The following ASTN1 variants were observed in gnomAD, a reference collection of about 807,000 sequenced individuals.
ASTN1 encodes astrotactin-1.
In ASTN1, 41 loss-of-function variants were observed where a neutral mutation model predicts 140.7. The observed-to-expected ratio is 0.29, with a 90% CI of 0.23 to 0.38. ASTN1 has a LOEUF of 0.38. Among genes scored for constraint, ASTN1 ranks in the 10% least tolerant of loss-of-function variants. The pLI, the probability that ASTN1 is intolerant of heterozygous loss-of-function variation, is 1.00. For missense variants in ASTN1, 1,479 were observed against 1,678.8 expected (o/e 0.88, Z 2.08); for synonymous variants, 640 against 652.2 (o/e 0.98, Z 0.29).
intron 16 of ASTN1, 142 bp from the exon 17 acceptor site, chr1:176,894,972 C>A (rs1669444693): frequency 2.4e-6 from 3 of 1,228,518 alleles, no homozygotes; most frequent in East Asian, 4.9e-5. Flanking sequence ...TCTGCCATCC[C>A]ACTTAATTTG....
Position 176,884,333 on chromosome 1 carries a change from GCTCACCTGT to G in ASTN1, c.3223_3226+5del. 6.2e-7 allele frequency: 1 copy of G among 1,612,748 alleles called. No individual in the cohort carries two copies. The highest frequency in any genetic ancestry group is 8.5e-7 in the Non-Finnish European group (1 of 1,178,776). ...AAGACAAGCCCATGAAGTAGAAGGT[GCTCACCTGT>G]CTCCACTTTGGAGTGGTCCATCCTG... is the stretch of plus-strand genomic sequence containing the variant. On this transcript the variant is annotated splice_donor_variant and splice_donor_5th_base_variant and coding_sequence_variant and intron_variant, in exon 19 of 23. Transcript: ENST00000361833. LOFTEE classifies it high-confidence loss of function.
At chr1:176,983,754 C>T (rs2142756) in intron 8 of ASTN1, among the ~76,000 whole-genome samples, 24,317 of 152,168 alleles carry the variant, frequency 0.16, 2,028 homozygotes, top group Admixed American at 0.19. Context: ...CTTTTTGCAT[C>T]TCAGTGCCCC....
intron 1 of ASTN1, among the ~76,000 whole-genome samples, chr1:177,063,796 A>G (rs1205934924): frequency 2.0e-5 from 3 of 152,186 alleles, no homozygotes; most frequent in Non-Finnish European, 2.9e-5. Context: ...AACCCTGGAC[A>G]TAAAAATCAC....
intron 7 of ASTN1, among the ~76,000 whole-genome samples, chr1:177,017,313 G>A (rs1460011180): frequency 6.6e-6 from 1 of 152,140 alleles, no homozygotes; most frequent in Non-Finnish European, 1.5e-5. Context: ...CATCATGCTA[G>A]GTTTTGGGGA....
intron 1 of ASTN1, among the ~76,000 whole-genome samples, chr1:177,125,695 A>G (rs1391269388): frequency 6.6e-6 from 1 of 152,234 alleles, no homozygotes; most frequent in Non-Finnish European, 1.5e-5. Flanking sequence ...TATTACACGA[A>G]GGACATTACT....
intron 16 of ASTN1, among the ~76,000 whole-genome samples, chr1:176,925,584 C>CA (rs199867748): frequency 0.01 from 1,575 of 152,236 alleles, 28 homozygotes; most frequent in African/African-American, 0.033. Context: ...CCACAACACT[C>CA]AAAAATACAA....
At chr1:177,152,094 T>C (rs1252628239) in intron 1 of ASTN1, among the ~76,000 whole-genome samples, 1 of 151,888 alleles carries the variant, frequency 6.6e-6, no homozygotes, top group African/African-American at 2.4e-5. Flanking sequence ...TAAGAAAAAA[T>C]ATCAGTTCTC....
chr1:176,927,127 C>G (rs932089761), intron 16 of ASTN1, among the ~76,000 whole-genome samples: 1 of 152,136 alleles, frequency 6.6e-6, no homozygotes, highest in African/African-American at 2.4e-5. Flanking sequence ...CTGAGCGTCA[C>G]CTTAGAGGAT....
chr1:176,859,651 G>T (rs963600017), downstream of ASTN1, among the ~76,000 whole-genome samples: 2 of 152,172 alleles, frequency 1.3e-5, no homozygotes, highest in African/African-American at 2.4e-5. Flanking sequence ...AGGCAGTGTG[G>T]CAGGCACCTG....
At chr1:176,892,919 C>T (rs1669326433) in intron 17 of ASTN1, among the ~76,000 whole-genome samples, 1 of 152,114 alleles carries the variant, frequency 6.6e-6, no homozygotes, top group Non-Finnish European at 1.5e-5. Flanking sequence ...CAGCTAGGGC[C>T]ACTTGTCTTT....
chr1:177,084,137 TC>T (rs1679312167), intron 1 of ASTN1, among the ~76,000 whole-genome samples: 1 of 152,178 alleles, frequency 6.6e-6, no homozygotes, highest in Non-Finnish European at 1.5e-5. Flanking sequence ...ACAGTGCTGC[TC>T]CAGCTCCCTA....
At chr1:177,096,914 G>A (rs75044565) in intron 1 of ASTN1, among the ~76,000 whole-genome samples, 10,791 of 152,094 alleles carry the variant, frequency 0.071, 462 homozygotes, top group Middle Eastern at 0.18. Flanking sequence ...TGCCTTTTCC[G>A]TCATGTGAAG....
intron 1 of ASTN1, among the ~76,000 whole-genome samples, chr1:177,090,175 TATG>T (rs1358062642): frequency 2.0e-5 from 3 of 151,802 alleles, no homozygotes; most frequent in Non-Finnish European, 4.4e-5. Flanking sequence ...ACCACCACAA[TATG>T]ATAATATCCT....
intron 1 of ASTN1, among the ~76,000 whole-genome samples, chr1:177,125,925 A>C (rs1052676763): frequency 2.0e-5 from 3 of 152,108 alleles, no homozygotes; most frequent in African/African-American, 7.2e-5. Context: ...ATTTCTCCCA[A>C]ATTAACTCTC....
chr1:176,999,799 TG>T (rs1166078193), intron 8 of ASTN1, among the ~76,000 whole-genome samples: 1 of 152,138 alleles, frequency 6.6e-6, no homozygotes, highest in East Asian at 1.9e-4. Flanking sequence ...CAAGATTTGA[TG>T]GTTTTATGTG....
intron 7 of ASTN1, among the ~76,000 whole-genome samples, chr1:177,016,312 G>GT (rs1675543550): frequency 1.3e-5 from 1 of 78,832 alleles, no homozygotes; most frequent in Non-Finnish European, 2.9e-5. Flanking sequence ...CTCTTCATTT[G>GT]TAAAAAAAAA....
At chr1:176,909,731 G>A (rs1670149474) in intron 16 of ASTN1, among the ~76,000 whole-genome samples, 1 of 143,582 alleles carries the variant, frequency 7.0e-6, no homozygotes, top group Admixed American at 6.8e-5. Context: ...TTAGTACTGA[G>A]TGCCAAGATT....
intron 1 of ASTN1, among the ~76,000 whole-genome samples, chr1:177,092,739 C>A: frequency 6.6e-6 from 1 of 152,148 alleles, no homozygotes; most frequent in South Asian, 2.1e-4. Flanking sequence ...GCAGTTGTCC[C>A]AGCACTTTTT....
In ASTN1 at chr1:176,889,372, T is replaced by C. The variant is rs116882840; in HGVS notation, c.2941-1168A>G. On this transcript the variant is annotated intron_variant, in intron 17 of 22. Transcript: ENST00000361833. ...CAGCTTTGGCTGTTTCTTATGATTC[T>C]CTTCTCTTTGTTTCATTCTCACTAC... Among the ~76,000 whole-genome samples the C allele has an allele frequency of 1.3e-3, 194 of 152,354 alleles. 4 individuals carry two copies. The highest frequency in any genetic ancestry group is 2.3e-3 in the East Asian group (12 of 5,184).
Sources: allele counts gnomAD v4.1 joint callset (sites outside exome capture counted in the v4.1 genomes callset), GRCh38; gene constraint gnomAD v4.1.1; transcripts MANE v1.5; gene names NCBI Gene and HGNC (gene_info 2026-07-23, HGNC 2026-07-21).